Variants in MCU observed in about 807,000 individuals in gnomAD.
The protein encoded by MCU is calcium uniporter protein, mitochondrial.
Under a neutral mutation model 45.2 loss-of-function variants are expected in MCU, and 12 were observed. The observed-to-expected ratio is 0.27, with a 90% CI of 0.17 to 0.43. The LOEUF is 0.43. Ranked by LOEUF, MCU falls within the 20% of genes least tolerant of loss-of-function variation. The pLI is 1.00. For missense variants in MCU, 324 were observed against 436.7 expected (o/e 0.74, Z 2.30); for synonymous variants, 160 against 165.1 (o/e 0.97, Z 0.24).
At position 72,871,397 on chromosome 10, in the gene MCU, A is replaced by C; in HGVS notation, c.678A>C (p.Arg226Ser). Residue 226 changes from arginine (R) to serine (S), a missense_variant, in exon 6 of 8, where the codon AGA becomes AGC. Coordinates refer to ENST00000373053, the MANE Select transcript of MCU (RefSeq NM_138357.3). ...PLEKVRIEIS[R>S]KAEKRTTLVL... is the part of the protein sequence containing the mutation. ...AATAGGTACGAATTGAGATTAGCAG[A>C]AAAGCTGAGAAGAGGACCACTTTGG... 6.2e-7 allele frequency: 1 copy of C among 1,614,162 alleles called. No homozygotes were observed. Among genetic ancestry groups the C allele is most frequent in the Non-Finnish European group, 8.5e-7 (1 of 1,179,974 alleles).
chr10:72,807,609 C>T (rs1844471915), intron 1 of MCU, among the ~76,000 whole-genome samples: 1 of 151,982 alleles, frequency 6.6e-6, no homozygotes, highest in Non-Finnish European at 1.5e-5. Flanking sequence ...GATTATTTTG[C>T]CTCCTTTTAC....
rs189985445 is a variant in MCU at position 72,818,194 on chromosome 10, C to T, written c.151-16165C>T. On this transcript the variant is annotated intron_variant, in intron 1 of 7. Coordinates refer to ENST00000373053, the MANE Select transcript of MCU (RefSeq NM_138357.3). Reference sequence around the variant, plus strand: ...TTAAAATGAAAAGTTCCTCTCTAACCTAGGTCACCTGTGACTTTTCAGATT... The same window carrying T: ...TTAAAATGAAAAGTTCCTCTCTAACTTAGGTCACCTGTGACTTTTCAGATT... Among the ~76,000 whole-genome samples the T allele has an allele frequency of 3.1e-3, 476 of 152,270 alleles. 3 individuals carry two copies. Among genetic ancestry groups the T allele is most frequent in the Non-Finnish European group, 4.9e-3 (331 of 68,036 alleles).
At chr10:72,866,358 G>T (rs1564578959) in intron 4 of MCU, among the ~76,000 whole-genome samples, 1 of 152,158 alleles carries the variant, frequency 6.6e-6, no homozygotes, top group Non-Finnish European at 1.5e-5. Context: ...GAAAGAAATA[G>T]AAGGCACTAG....
chr10:72,702,151 C>T (rs1246038287), intron 1 of MCU, among the ~76,000 whole-genome samples: 1 of 150,776 alleles, frequency 6.6e-6, no homozygotes, highest in Non-Finnish European at 1.5e-5. Context: ...CTTGGGAGGC[C>T]GAGGCAGGAG....
intron 1 of MCU, among the ~76,000 whole-genome samples, chr10:72,710,487 A>G (rs1455186916): frequency 6.7e-6 from 1 of 148,662 alleles, no homozygotes; most frequent in African/African-American, 2.5e-5. Context: ...AAGGTAAACT[A>G]CTGATGGGAA....
intron 1 of MCU, among the ~76,000 whole-genome samples, chr10:72,760,048 ATTT>A (rs34146931): frequency 6.8e-6 from 1 of 146,764 alleles, no homozygotes. Flanking sequence ...AAAACTTTAA[ATTT>A]TTTTTTTTTT....
chr10:72,729,156 A>T (rs1420946738), intron 1 of MCU, among the ~76,000 whole-genome samples: 1 of 152,208 alleles, frequency 6.6e-6, no homozygotes, highest in Non-Finnish European at 1.5e-5. Context: ...AGCATTATAT[A>T]GTAAAGTGAT....
intron 2 of MCU, among the ~76,000 whole-genome samples, chr10:72,836,780 T>G (rs1395094576): frequency 1.3e-5 from 2 of 152,200 alleles, no homozygotes; most frequent in Non-Finnish European, 2.9e-5. Context: ...TAATGTAGCT[T>G]GATGTCCTTA....
At chr10:72,865,962 A>G (rs767132604) in intron 4 of MCU, among the ~76,000 whole-genome samples, 99 of 151,780 alleles carry the variant, frequency 6.5e-4, no homozygotes, top group Admixed American at 1.4e-3. Flanking sequence ...TATTTTTAGT[A>G]GAGACGGGGT....
chr10:72,849,603 A>C, intron 2 of MCU, among the ~76,000 whole-genome samples: 1 of 152,184 alleles, frequency 6.6e-6, no homozygotes, highest in East Asian at 1.9e-4. Flanking sequence ...AGAAGCACAG[A>C]GGCCTAGGAC....
intron 1 of MCU, among the ~76,000 whole-genome samples, chr10:72,812,543 C>T (rs1844561160): frequency 6.6e-6 from 1 of 152,108 alleles, no homozygotes; most frequent in African/African-American, 2.4e-5. Flanking sequence ...GAACAGAATT[C>T]TATGCAGAGA....
intron 1 of MCU, among the ~76,000 whole-genome samples, chr10:72,737,499 C>T (rs569750563): frequency 5.3e-5 from 8 of 149,644 alleles, no homozygotes; most frequent in South Asian, 2.1e-4. Context: ...AAAGTTGGCG[C>T]GTTATTTCCC....
chr10:72,729,147 G>A (rs1357899656), intron 1 of MCU, among the ~76,000 whole-genome samples: 1 of 152,158 alleles, frequency 6.6e-6, no homozygotes, highest in Non-Finnish European at 1.5e-5. Context: ...TTGAAGAATA[G>A]CATTATATAG....
intron 1 of MCU, among the ~76,000 whole-genome samples, chr10:72,733,733 TA>T: frequency 6.6e-6 from 1 of 150,512 alleles, no homozygotes; most frequent in East Asian, 1.9e-4. Context: ...GATAATCTTA[TA>T]TAGCTTAACT....
At chr10:72,834,471 C>A in intron 2 of MCU, 43 bp downstream of exon 2, 1 of 1,523,056 alleles carries the variant, frequency 6.6e-7, no homozygotes, top group Non-Finnish European at 9.1e-7. Context: ...ATATTATTTC[C>A]TTCTTAGCTC....
chr10:72,798,859 T>G (rs1031994022), intron 1 of MCU, among the ~76,000 whole-genome samples: 2 of 152,210 alleles, frequency 1.3e-5, no homozygotes, highest in Non-Finnish European at 2.9e-5. Flanking sequence ...CAAACTATAT[T>G]TAATTTTATA....
chr10:72,773,727 CAAAGA>C (rs1459802371), intron 1 of MCU, among the ~76,000 whole-genome samples: 1 of 151,950 alleles, frequency 6.6e-6, no homozygotes, highest in Non-Finnish European at 1.5e-5. Flanking sequence ...CTAAAAGCAG[CAAAGA>C]AAAGAAGCAG....
intron 5 of MCU, among the ~76,000 whole-genome samples, chr10:72,869,826 C>T (rs1845513634): frequency 6.6e-6 from 1 of 151,896 alleles, no homozygotes; most frequent in Non-Finnish European, 1.5e-5. Context: ...ATCCGGGAAC[C>T]AATTCACCAC....
At chr10:72,703,134 C>T (rs1355030959) in intron 1 of MCU, among the ~76,000 whole-genome samples, 6 of 152,078 alleles carry the variant, frequency 3.9e-5, no homozygotes, top group Non-Finnish European at 8.8e-5. Flanking sequence ...CTGGAGTATG[C>T]GCAAGAATAG....
Sources: gnomAD v4.1 joint callset for allele counts (sites outside exome capture counted in the v4.1 genomes callset) on GRCh38, gnomAD v4.1.1 for gene constraint, MANE v1.5 for transcripts, NCBI Gene and HGNC (gene_info 2026-07-23, HGNC 2026-07-21) for gene names.